The following GPC5 variants were observed in gnomAD, a reference collection of about 807,000 sequenced individuals.
The protein encoded by GPC5 is glypican-5.
Under a neutral mutation model 53.9 loss-of-function variants are expected in GPC5, and 47 were observed. The ratio of observed to expected loss-of-function variants is 0.87; its 90% CI spans 0.69 to 1.11. The LOEUF is 1.11. GPC5 is among the 50% of genes most tolerant of loss of function. GPC5 has a pLI of 0.00. For missense variants in GPC5, 748 were observed against 713.1 expected, an observed-to-expected ratio of 1.05 and a Z score of -0.56; for synonymous variants, 286 against 263.3, an observed-to-expected ratio of 1.09 and a Z score of -0.84.
intron 6 of GPC5, among the ~76,000 whole-genome samples, chr13:92,047,563 A>G (rs2040992956): frequency 6.6e-6 from 1 of 151,600 alleles, no homozygotes; most frequent in African/African-American, 2.4e-5. Context: ...ACCTTTATAA[A>G]TCCAGCAAGT....
At chr13:92,212,335 GA>G (rs2042381319) in intron 7 of GPC5, among the ~76,000 whole-genome samples, 2 of 152,128 alleles carry the variant, frequency 1.3e-5, no homozygotes, top group South Asian at 4.1e-4. Context: ...GGACTGTCTA[GA>G]GCTCTGAAGT....
At chr13:91,840,369 A>G (rs529350394) in intron 5 of GPC5, among the ~76,000 whole-genome samples, 7 of 152,260 alleles carry the variant, frequency 4.6e-5, no homozygotes, top group Non-Finnish European at 1.0e-4. Flanking sequence ...ATGAAAGTAT[A>G]TGTGGATGAT....
At chr13:91,665,400 G>C (rs193012570) in intron 2 of GPC5, among the ~76,000 whole-genome samples, 151 of 152,298 alleles carry the variant, frequency 9.9e-4, no homozygotes, top group African/African-American at 2.9e-3. Flanking sequence ...AAGTTTTTCT[G>C]TGCTGGATTT....
intron 7 of GPC5, among the ~76,000 whole-genome samples, chr13:92,558,953 A>G (rs1487597731): frequency 1.3e-5 from 2 of 152,044 alleles, no homozygotes; most frequent in Non-Finnish European, 2.9e-5. Flanking sequence ...AGTGTTTTTC[A>G]GGCATGAGCA....
intron 7 of GPC5, among the ~76,000 whole-genome samples, chr13:92,664,762 G>A (rs550110891): frequency 3.3e-5 from 5 of 152,082 alleles, no homozygotes; most frequent in African/African-American, 7.2e-5. Context: ...TTTGAAGAGC[G>A]ATTACAAATA....
At position 92,330,471 on chromosome 13, in the gene GPC5, T is replaced by C. The variant is rs1199208049; in HGVS notation, c.1561+185482T>C. Among the ~76,000 whole-genome samples the C allele has an allele frequency of 2.0e-5, 3 of 152,148 alleles. No individual in the cohort carries two copies. The East Asian group carries it at 5.8e-4, about 29-fold the overall frequency. ...TATATTGTTATCCTTATGTATTACA[T>C]AGGATTACATACATTAAGCAGGTAA... is the stretch of plus-strand genomic sequence containing the variant. On this transcript the variant is annotated intron_variant, in intron 7 of 7. Transcript: ENST00000377067.
At chr13:92,283,803 A>G (rs1420647099) in intron 7 of GPC5, among the ~76,000 whole-genome samples, 1 of 152,224 alleles carries the variant, frequency 6.6e-6, no homozygotes, top group Admixed American at 6.5e-5. Flanking sequence ...GAGATCTAAA[A>G]TTGACACCCT....
chr13:91,458,476 T>C (rs888530133), intron 2 of GPC5, among the ~76,000 whole-genome samples: 3 of 152,162 alleles, frequency 2.0e-5, no homozygotes, highest in Admixed American at 6.5e-5. Flanking sequence ...AATGTAGATA[T>C]ACAAATGATG....
rs757056924 is a variant in GPC5, at chr13:91,455,653, AT to A, written c.325+6734del. ...TAAAGTTTTAACTAAAGTAATTGGA[AT>A]TTCTTTTTATGTGCTATAGAAATCC... is the stretch of plus-strand genomic sequence containing the variant. On this transcript the variant is annotated intron_variant, in intron 2 of 7. Coordinates refer to ENST00000377067, the MANE Select transcript of GPC5 (RefSeq NM_004466.6). 1.6e-3 allele frequency among the ~76,000 whole-genome samples: 242 copies of A among 152,232 alleles called. 2 individuals are homozygous for A. The highest frequency in any genetic ancestry group is 1.8e-3 in the Admixed American group (28 of 15,282).
At chr13:92,191,185 G>A (rs577848693) in intron 7 of GPC5, among the ~76,000 whole-genome samples, 30 of 152,192 alleles carry the variant, frequency 2.0e-4, no homozygotes, top group Middle Eastern at 3.4e-3. Flanking sequence ...TCATGTGTAT[G>A]TACCTAATAA....
At chr13:92,825,053 T>C (rs1015498121) in intron 7 of GPC5, among the ~76,000 whole-genome samples, 86 of 152,264 alleles carry the variant, frequency 5.6e-4, no homozygotes, top group African/African-American at 1.1e-3. Context: ...ATAATTCTAC[T>C]TGGGACACTA....
rs148843011 is a variant in GPC5 at position 92,058,951 on chromosome 13, C to T, written c.1402-85879C>T. Among the ~76,000 whole-genome samples the T allele has an allele frequency of 1.2e-3, 178 of 152,248 alleles. 1 individual carries two copies. Among genetic ancestry groups the T allele is most frequent in the Admixed American group, 1.6e-3 (25 of 15,292 alleles). On this transcript the variant is annotated intron_variant, in intron 6 of 7. Transcript: ENST00000377067. ...ACTCTGAGCCTTTGCAATTGTTTTG[C>T]GCTGTATCATGGTTTTCTAATTATC...
intron 2 of GPC5, among the ~76,000 whole-genome samples, chr13:91,543,050 G>T (rs2030051414): frequency 6.6e-6 from 1 of 152,000 alleles, no homozygotes; most frequent in Admixed American, 6.6e-5. Flanking sequence ...TAGAGACAGG[G>T]TTTCACCGTG....
chr13:92,659,304 T>C (rs1015429929), intron 7 of GPC5: 2 of 152,174 alleles, frequency 1.3e-5, no homozygotes, highest in African/African-American at 2.4e-5. Context: ...TATTGAATTG[T>C]AGTTTCATAT....
At chr13:91,998,409 GA>G (rs1479225807) in intron 6 of GPC5, among the ~76,000 whole-genome samples, 1 of 152,062 alleles carries the variant, frequency 6.6e-6, no homozygotes, top group Non-Finnish European at 1.5e-5. Context: ...CACCCTGTTA[GA>G]ATCATGATTA....
chr13:91,724,858 A>G (rs964473206), intron 3 of GPC5, among the ~76,000 whole-genome samples: 1 of 151,758 alleles, frequency 6.6e-6, no homozygotes, highest in African/African-American at 2.4e-5. Flanking sequence ...TCCTGTCTGG[A>G]AAAAAAAAGA....
At chr13:92,667,644 T>C (rs1566353528) in intron 7 of GPC5, among the ~76,000 whole-genome samples, 1 of 151,898 alleles carries the variant, frequency 6.6e-6, no homozygotes, top group Non-Finnish European at 1.5e-5. Context: ...ATGGCTGACA[T>C]TGCTGCTTTG....
chr13:92,009,787 A>G (rs1487671026), intron 6 of GPC5, among the ~76,000 whole-genome samples: 2 of 152,212 alleles, frequency 1.3e-5, no homozygotes, highest in Non-Finnish European at 2.9e-5. Flanking sequence ...TCCTCCTGGC[A>G]GAGAGCCATA....
intron 7 of GPC5, among the ~76,000 whole-genome samples, chr13:92,397,598 T>A (rs1470985208): frequency 1.3e-5 from 2 of 152,214 alleles, no homozygotes; most frequent in Admixed American, 6.5e-5. Flanking sequence ...TGTAATTCCG[T>A]GAATCTGCCT....
Sources: allele counts gnomAD v4.1 joint callset (sites outside exome capture counted in the v4.1 genomes callset), GRCh38; gene constraint gnomAD v4.1.1; transcripts MANE v1.5; gene names NCBI Gene and HGNC (gene_info 2026-07-23, HGNC 2026-07-21).